The following FSTL5 variants were observed in gnomAD, a reference collection of about 807,000 sequenced individuals.
FSTL5 encodes follistatin like 5, also known as follistatin-related protein 5.
In FSTL5, 62 loss-of-function variants were observed where a neutral mutation model predicts 89.1. The observed-to-expected ratio is 0.70, with a 90% CI of 0.57 to 0.86. The LOEUF (loss-of-function observed/expected upper bound fraction) is 0.86, where lower values mean the gene tolerates loss of function less well. Among genes scored for constraint, FSTL5 ranks in the 40% least tolerant of loss-of-function variants. The pLI, the probability that FSTL5 is intolerant of heterozygous loss-of-function variation, is 0.00. For missense variants in FSTL5, 1,057 were observed against 1,001.6 expected, an observed-to-expected ratio of 1.06 and a Z score of -0.75; for synonymous variants, 383 against 346.2, an observed-to-expected ratio of 1.11 and a Z score of -1.18.
intron 2 of FSTL5, among the ~76,000 whole-genome samples, chr4:162,044,662 T>C (rs565822758): frequency 2.6e-5 from 4 of 152,304 alleles, no homozygotes; most frequent in African/African-American, 9.6e-5. Flanking sequence ...AGGAGGTTGT[T>C]TCGTCCAATT....
chr4:161,800,487 C>T (rs985345844), intron 4 of FSTL5, among the ~76,000 whole-genome samples: 2 of 151,552 alleles, frequency 1.3e-5, no homozygotes, highest in African/African-American at 4.8e-5. Flanking sequence ...TTTAAAGAGT[C>T]TTTGAAAAGA....
chr4:161,999,016 G>T (rs1484615893), intron 3 of FSTL5, among the ~76,000 whole-genome samples: 3 of 152,078 alleles, frequency 2.0e-5, no homozygotes, highest in Non-Finnish European at 2.9e-5. Context: ...GTCTAATAAG[G>T]CTTGTCTAAC....
intron 6 of FSTL5, among the ~76,000 whole-genome samples, chr4:161,722,931 T>C (rs961572564): frequency 6.6e-6 from 1 of 152,166 alleles, no homozygotes; most frequent in Admixed American, 6.5e-5. Context: ...GTAAAAGCAA[T>C]ATGTGGCTTT....
chr4:161,436,136 G>A (rs1029766228), intron 15 of FSTL5, among the ~76,000 whole-genome samples: 1 of 152,070 alleles, frequency 6.6e-6, no homozygotes, highest in African/African-American at 2.4e-5. Context: ...ATATTTAAGA[G>A]ATCGCTGTGT....
intron 2 of FSTL5, among the ~76,000 whole-genome samples, chr4:162,066,664 T>C (rs1024620700): frequency 6.8e-6 from 1 of 147,766 alleles, no homozygotes; most frequent in Non-Finnish European, 1.5e-5. Flanking sequence ...CTTCCACTTA[T>C]GAGTGAGAAC....
chr4:161,675,133 C>T (rs1298427949), intron 6 of FSTL5, among the ~76,000 whole-genome samples: 1 of 152,062 alleles, frequency 6.6e-6, no homozygotes, highest in Non-Finnish European at 1.5e-5. Context: ...TCCTTTGAAT[C>T]ACTTCAATAA....
intron 8 of FSTL5, among the ~76,000 whole-genome samples, chr4:161,569,665 A>T (rs953675260): frequency 1.4e-4 from 21 of 152,072 alleles, no homozygotes; most frequent in Non-Finnish European, 3.1e-4. Flanking sequence ...AGAAAGACTG[A>T]TTATGCTGGA....
chr4:162,094,127 G>A (rs1170426294), intron 2 of FSTL5, among the ~76,000 whole-genome samples: 3 of 152,158 alleles, frequency 2.0e-5, no homozygotes, highest in Non-Finnish European at 4.4e-5. Context: ...GGTAACTCAT[G>A]CCTGTAATTC....
chr4:161,817,482 G>T (rs1730358207), intron 4 of FSTL5, among the ~76,000 whole-genome samples: 1 of 152,108 alleles, frequency 6.6e-6, no homozygotes, highest in African/African-American at 2.4e-5. Flanking sequence ...GTGTTGTTCA[G>T]TTACAGAAAA....
chr4:162,022,305 T>C (rs1396315612), intron 3 of FSTL5, among the ~76,000 whole-genome samples: 1 of 151,814 alleles, frequency 6.6e-6, no homozygotes, highest in Non-Finnish European at 1.5e-5. Context: ...ACTTACATAA[T>C]ATATTAAACA....
intron 3 of FSTL5, among the ~76,000 whole-genome samples, chr4:161,979,100 C>A (rs77229851): frequency 0.016 from 2,388 of 152,146 alleles, 38 homozygotes; most frequent in Middle Eastern, 0.034. Context: ...AGTATTTATC[C>A]CTGCTTCTTG....
intron 10 of FSTL5, among the ~76,000 whole-genome samples, chr4:161,527,053 A>G (rs1168263839): frequency 2.0e-5 from 3 of 152,150 alleles, no homozygotes; most frequent in Non-Finnish European, 4.4e-5. Flanking sequence ...TTTTCACGAT[A>G]TTGATTCTTC....
intron 4 of FSTL5, among the ~76,000 whole-genome samples, chr4:161,885,444 T>A (rs895336344): frequency 6.6e-6 from 1 of 152,166 alleles, no homozygotes; most frequent in Non-Finnish European, 1.5e-5. Context: ...TCCATATTTT[T>A]AAAATTTATT....
chr4:161,708,509 C>A (rs1738665360), intron 6 of FSTL5, among the ~76,000 whole-genome samples: 1 of 152,046 alleles, frequency 6.6e-6, no homozygotes, highest in East Asian at 1.9e-4. Flanking sequence ...GAAAACAGTT[C>A]TATTTTTGGA....
At chr4:161,860,037 A>T (rs565766728) in intron 4 of FSTL5, among the ~76,000 whole-genome samples, 1 of 152,166 alleles carries the variant, frequency 6.6e-6, no homozygotes, top group Non-Finnish European at 1.5e-5. Flanking sequence ...CCCTGTAATC[A>T]CAGCACTTTG....
intron 3 of FSTL5, among the ~76,000 whole-genome samples, chr4:162,031,111 T>A (rs1050398825): frequency 6.6e-6 from 1 of 152,170 alleles, no homozygotes; most frequent in Non-Finnish European, 1.5e-5. Context: ...TCTATTATAA[T>A]CTTCAGTGCA....
intron 1 of FSTL5, among the ~76,000 whole-genome samples, chr4:162,155,698 G>C (rs1733441311): frequency 6.6e-6 from 1 of 152,172 alleles, no homozygotes; most frequent in East Asian, 1.9e-4. Context: ...ACTGAATGCA[G>C]AAGAGTGGGA....
At chr4:161,461,387 G>A (rs1030630637) in intron 13 of FSTL5, among the ~76,000 whole-genome samples, 2 of 140,040 alleles carry the variant, frequency 1.4e-5, no homozygotes, top group Admixed American at 7.9e-5. Context: ...GCATGAACCT[G>A]GGAGGCGGTC....
At chr4:162,061,715 T>A (rs1738723405) in intron 2 of FSTL5, among the ~76,000 whole-genome samples, 1 of 152,038 alleles carries the variant, frequency 6.6e-6, no homozygotes, top group Non-Finnish European at 1.5e-5. Context: ...AAACACAGGG[T>A]CCCATGCAAA....
Sources: allele counts gnomAD v4.1 joint callset (sites outside exome capture counted in the v4.1 genomes callset), GRCh38; gene constraint gnomAD v4.1.1; transcripts MANE v1.5; gene names NCBI Gene and HGNC (gene_info 2026-07-23, HGNC 2026-07-21).